The following SLC26A5 variants were observed in gnomAD, a reference collection of about 807,000 sequenced individuals.
SLC26A5 encodes prestin.
In SLC26A5, 51 loss-of-function variants were observed where a neutral mutation model predicts 81.0. The ratio of observed to expected loss-of-function variants is 0.63; its 90% CI spans 0.50 to 0.80. The LOEUF (loss-of-function observed/expected upper bound fraction) is 0.80, where lower values mean the gene tolerates loss of function less well. Ranked by LOEUF, SLC26A5 falls within the 30% of genes least tolerant of loss-of-function variation. The probability of loss-of-function intolerance (pLI) is 0.00; values close to 1 mark genes in which losing one functional copy is unlikely to be tolerated. For synonymous variants in SLC26A5, 325 were observed against 332.8 expected, an observed-to-expected ratio of 0.98 and a Z score of 0.25; for missense variants, 771 against 905.8, an observed-to-expected ratio of 0.85 and a Z score of 1.91.
intron 19 of SLC26A5, among the ~76,000 whole-genome samples, chr7:103,356,542 T>C (rs1342574246): frequency 6.6e-6 from 1 of 152,230 alleles, no homozygotes; most frequent in Non-Finnish European, 1.5e-5. Context: ...TGAGGGAAAA[T>C]AATTTTAATT....
chr7:103,429,380 C>T (rs1040407091), intron 2 of SLC26A5, among the ~76,000 whole-genome samples: 10 of 152,182 alleles, frequency 6.6e-5, no homozygotes, highest in African/African-American at 2.4e-4. Context: ...CATGACTTCT[C>T]TATGGGCCTC....
At chr7:103,417,731 A>T (rs1481118999) in intron 4 of SLC26A5, among the ~76,000 whole-genome samples, 1 of 152,086 alleles carries the variant, frequency 6.6e-6, no homozygotes. Flanking sequence ...TTACTCTTCA[A>T]TCCTATTCCT....
At chr7:103,398,922 T>C (rs1176379830) in intron 8 of SLC26A5, among the ~76,000 whole-genome samples, 1 of 152,142 alleles carries the variant, frequency 6.6e-6, no homozygotes, top group Non-Finnish European at 1.5e-5. Flanking sequence ...TCACCCTTAA[T>C]TGCATTTTTT....
intron 2 of SLC26A5, among the ~76,000 whole-genome samples, chr7:103,438,927 T>G (rs1446421191): frequency 6.6e-6 from 1 of 152,224 alleles, no homozygotes; most frequent in Non-Finnish European, 1.5e-5. Flanking sequence ...AATTTTTAAA[T>G]GTTGGAAACC....
chr7:103,365,522 G>A (rs1311910052), intron 19 of SLC26A5, among the ~76,000 whole-genome samples: 3 of 152,134 alleles, frequency 2.0e-5, no homozygotes, highest in African/African-American at 4.8e-5. Flanking sequence ...CCAGCTCCTC[G>A]GGAGGCCGAG....
rs765836781 is a variant in SLC26A5 at position 103,374,554 on chromosome 7, CA to C, written c.2079del (p.Phe693LeufsTer19). ...AGCAGCTCCCATAGGGCAGGATTTT[CA>C]AAAAATCTATTCCGAGTGAGGTCAT... ...VVNDLTRNRF[F>X]ENPALWELLF... is the part of the protein sequence containing the mutation. On this transcript the variant is annotated frameshift_variant, in exon 20 of 20. Coordinates refer to ENST00000306312, the MANE Select transcript of SLC26A5 (RefSeq NM_198999.3). LOFTEE classifies it high-confidence loss of function. 1 of 1,613,578 alleles carries C rather than the reference CA, an allele frequency of 6.2e-7. No homozygotes were observed. Among genetic ancestry groups the C allele is most frequent in the Non-Finnish European group, 8.5e-7 (1 of 1,179,930 alleles).
chr7:103,409,817 C>G (rs1824338022), intron 7 of SLC26A5, among the ~76,000 whole-genome samples: 1 of 152,004 alleles, frequency 6.6e-6, no homozygotes. Flanking sequence ...ACGCCATTCT[C>G]CTGTCTCAGC....
Position 103,407,858 on chromosome 7 carries a change from A to T in SLC26A5, c.881T>A (p.Phe294Tyr). ...EKLPAPIPLEFFAVVMGTGIS... is the reference protein window; with the variant it reads ...EKLPAPIPLEYFAVVMGTGIS... ...TGACCGAAGGTGACTTACCGCAAAGAACTCTAAAGGAATAGGCGCCGGCAA... is the reference window on the plus strand; with the variant it reads ...TGACCGAAGGTGACTTACCGCAAAGTACTCTAAAGGAATAGGCGCCGGCAA... The change falls in exon 8 of 20, where the codon TTC becomes TAC. Residue 294 changes from phenylalanine to tyrosine, a missense_variant. Phe to Tyr is a conservative substitution (Grantham distance 22, BLOSUM62 3). Transcript: ENST00000306312. 6.2e-7 allele frequency: 1 copy of T among 1,614,130 alleles called. No homozygotes were observed. Among genetic ancestry groups the T allele is most frequent in the Non-Finnish European group, 8.5e-7 (1 of 1,180,008 alleles).
intron 19 of SLC26A5, among the ~76,000 whole-genome samples, chr7:103,356,812 G>T (rs1820059725): frequency 6.6e-6 from 1 of 151,662 alleles, no homozygotes. Context: ...ATACCTTTTG[G>T]GTGTTAATGT....
At chr7:103,375,591 AATT>A (rs1161862100) in intron 19 of SLC26A5, among the ~76,000 whole-genome samples, 1 of 151,798 alleles carries the variant, frequency 6.6e-6, no homozygotes, top group African/African-American at 2.4e-5. Flanking sequence ...CACTTTTTAA[AATT>A]ATTATTATTT....
intron 19 of SLC26A5, among the ~76,000 whole-genome samples, chr7:103,353,472 A>G (rs1819845494): frequency 6.6e-6 from 1 of 152,186 alleles, no homozygotes; most frequent in Admixed American, 6.5e-5. Context: ...ATGCCAGGCC[A>G]ATTTTTGTAT....
chr7:103,374,692 T>C, intron 19 of SLC26A5, 100 bp from the exon 20 acceptor site: 3 of 1,188,146 alleles, frequency 2.5e-6, no homozygotes, highest in Non-Finnish European at 3.5e-6. Flanking sequence ...TTTTTTGTTA[T>C]TGTTTTTTGT....
At chr7:103,354,740 C>T (rs770306960) in intron 19 of SLC26A5, 42 of 606,204 alleles carry the variant, frequency 6.9e-5, no homozygotes, top group Non-Finnish European at 1.1e-4. Context: ...TCAGGAATAC[C>T]TCTCTACTTC....
At chr7:103,445,861 T>C (rs547210473) in intron 1 of SLC26A5, 2 of 152,606 alleles carry the variant, frequency 1.3e-5, no homozygotes, top group South Asian at 4.1e-4. Context: ...GGGACAGGGG[T>C]TGCAAAGGAA....
At chr7:103,361,898 T>A in intron 19 of SLC26A5, 1 of 1,511,490 alleles carries the variant, frequency 6.6e-7, no homozygotes, top group African/African-American at 1.4e-5. Context: ...ATCTAGTTAG[T>A]TGAATTCATT....
chr7:103,425,646 AC>A (rs992225465), intron 2 of SLC26A5, among the ~76,000 whole-genome samples: 2 of 152,216 alleles, frequency 1.3e-5, no homozygotes, highest in African/African-American at 4.8e-5. Context: ...AATATATAAT[AC>A]AAAATAATAA....
chr7:103,421,163 T>C (rs1825314784), intron 3 of SLC26A5, among the ~76,000 whole-genome samples, 200 bp downstream of exon 3: 1 of 152,198 alleles, frequency 6.6e-6, no homozygotes, highest in African/African-American at 2.4e-5. Flanking sequence ...AGGAATTCAA[T>C]AAATATGGTG....
chr7:103,407,808 C>A, intron 8 of SLC26A5, 43 bp downstream of exon 8: 1 of 1,606,624 alleles, frequency 6.2e-7, no homozygotes, highest in Non-Finnish European at 8.5e-7. Flanking sequence ...TAAGTAAATG[C>A]AGTTGTAGAA....
intron 8 of SLC26A5, among the ~76,000 whole-genome samples, chr7:103,401,238 G>A (rs1268089508): frequency 6.6e-6 from 1 of 152,064 alleles, no homozygotes; most frequent in East Asian, 1.9e-4. Flanking sequence ...TGTCCTCTCT[G>A]ATTTCCTTGA....
Sources: gnomAD v4.1 joint callset for allele counts (sites outside exome capture counted in the v4.1 genomes callset) on GRCh38, gnomAD v4.1.1 for gene constraint, MANE v1.5 for transcripts, NCBI Gene and HGNC (gene_info 2026-07-23, HGNC 2026-07-21) for gene names.